The following BRCA1 variants were observed in gnomAD, a reference collection of about 807,000 sequenced individuals.
The protein encoded by BRCA1 is BRCA1 DNA repair associated.
BRCA1 carries 140 observed loss-of-function variants against 173.7 expected under a neutral mutation model. The observed-to-expected ratio is 0.81, with a 90% CI of 0.70 to 0.93. The LOEUF (loss-of-function observed/expected upper bound fraction) is 0.93. Ranked by LOEUF, BRCA1 falls within the 40% of genes least tolerant of loss-of-function variation. The pLI is 0.00. For synonymous variants in BRCA1, 662 were observed against 756.0 expected (o/e 0.88, Z 2.04); for missense variants, 1,983 against 2,172.5 (o/e 0.91, Z 1.73).
chr17:43,140,693 C>T (rs1209798997), intron 1 of BRCA1, among the ~76,000 whole-genome samples: 1 of 152,208 alleles, frequency 6.6e-6, no homozygotes, highest in Non-Finnish European at 1.5e-5. Context: ...CTGTCCCACA[C>T]TGTCTCCTCA....
At chr17:43,063,235 G>A (rs995674624) in intron 18 of BRCA1, 98 bp downstream of exon 18, 21 of 1,009,618 alleles carry the variant, frequency 2.1e-5, no homozygotes, top group South Asian at 1.3e-4. Flanking sequence ...TTTGTGCATT[G>A]TTAAGGAAAG....
chr17:43,074,260 C>T (rs2052580415), intron 14 of BRCA1, 71 bp downstream of exon 14: 3 of 1,568,138 alleles, frequency 1.9e-6, no homozygotes, highest in Non-Finnish European at 1.7e-6. Context: ...AGTTGGTTAA[C>T]CAGAATATCT....
At chr17:43,148,218 A>T (rs1347908754) in intron 1 of BRCA1, 1 of 155,822 alleles carries the variant, frequency 6.4e-6, no homozygotes, top group African/African-American at 2.4e-5. Flanking sequence ...TGAACCCAGG[A>T]GGCGGAGGTT....
chr17:43,114,131 G>A (rs571123613), intron 3 of BRCA1, among the ~76,000 whole-genome samples: 1 of 151,914 alleles, frequency 6.6e-6, no homozygotes, highest in Non-Finnish European at 1.5e-5. Flanking sequence ...GCAGTGGTGT[G>A]ATCATAGCTC....
chr17:43,102,860 G>A (rs969585152), intron 6 of BRCA1, among the ~76,000 whole-genome samples: 1 of 151,828 alleles, frequency 6.6e-6, no homozygotes, highest in Admixed American at 6.6e-5. Flanking sequence ...TTGCTATGTT[G>A]CCCAAACTGG....
chr17:43,146,413 A>G (rs1240753694), intron 1 of BRCA1, among the ~76,000 whole-genome samples: 1 of 139,192 alleles, frequency 7.2e-6, no homozygotes, highest in East Asian at 2.1e-4. Flanking sequence ...GGTTCACGCC[A>G]TTCTCCTGCC....
chr17:43,050,177 G>T (rs1261270433), intron 20 of BRCA1: 1 of 398,478 alleles, frequency 2.5e-6, no homozygotes, highest in East Asian at 3.6e-5. Context: ...GGAGGCAAAG[G>T]TGGGTAGCTT....
chr17:43,141,642 A>G (rs573517069), intron 1 of BRCA1, among the ~76,000 whole-genome samples: 20 of 151,524 alleles, frequency 1.3e-4, no homozygotes, highest in Admixed American at 3.9e-4. Flanking sequence ...GTGAAACCCC[A>G]TCTCTACTAA....
At chr17:43,087,349 A>C (rs2053266063) in intron 11 of BRCA1, among the ~76,000 whole-genome samples, 1 of 152,206 alleles carries the variant, frequency 6.6e-6, no homozygotes, top group Non-Finnish European at 1.5e-5. Context: ...TAGTAATTAA[A>C]AATGAAGTCA....
At chr17:43,161,510 G>A (rs1050690513) in intron 1 of BRCA1, 3 of 152,166 alleles carry the variant, frequency 2.0e-5, no homozygotes, top group African/African-American at 7.2e-5. Context: ...GCAGCTTAGT[G>A]TAGGCTCTAT....
At chr17:43,149,152 G>A (rs1323275578) in intron 1 of BRCA1, among the ~76,000 whole-genome samples, 2 of 150,802 alleles carry the variant, frequency 1.3e-5, no homozygotes, top group African/African-American at 2.4e-5. Context: ...AGGCTGGAGT[G>A]CAGTGGCACG....
At chr17:43,105,014 C>G (rs2154552926) in intron 4 of BRCA1, 58 bp from the exon 5 acceptor site, 7 of 1,378,882 alleles carry the variant, frequency 5.1e-6, no homozygotes, top group Non-Finnish European at 7.2e-6. Flanking sequence ...CTTTTAAGGA[C>G]ACTAAAATAA....
intron 6 of BRCA1, among the ~76,000 whole-genome samples, chr17:43,100,680 T>A (rs10445302): frequency 0.36 from 3,955 of 10,992 alleles, 405 homozygotes; most frequent in Non-Finnish European, 0.46. Flanking sequence ...ATATATATAA[T>A]ATATATATAT....
chr17:43,062,755 G>A (rs1216528312), intron 18 of BRCA1, among the ~76,000 whole-genome samples: 4 of 151,626 alleles, frequency 2.6e-5, no homozygotes, highest in Non-Finnish European at 4.4e-5. Context: ...ATGCCACCAC[G>A]CTGAGTAATT....
chr17:43,133,185 T>C (rs572369807), intron 1 of BRCA1: 1 of 152,318 alleles, frequency 6.6e-6, no homozygotes, highest in South Asian at 2.1e-4. Flanking sequence ...TTCCTCCATT[T>C]TCCATAAATG....
chr17:43,081,683 T>G (rs2053008466), intron 12 of BRCA1, among the ~76,000 whole-genome samples: 1 of 152,210 alleles, frequency 6.6e-6, no homozygotes, highest in Non-Finnish European at 1.5e-5. Flanking sequence ...GTCTTTCCAA[T>G]TAAAAACTCA....
rs80357337 is a variant in BRCA1, at chr17:43,093,009, C to A, written c.2522G>T (p.Arg841Leu). ...TTCTTCCATTTCTATGCTTGTTTCC[C>A]GACTGTGGTTAACTTCATGTCCCAA... Reference protein sequence around the residue: ...YPLGHEVNHSRETSIEMEESE... With the variant: ...YPLGHEVNHSLETSIEMEESE... The change falls in exon 10 of 23, where the codon CGG becomes CTG. Residue 841 changes from arginine to leucine, a missense_variant. Transcript: ENST00000357654. The A allele has an allele frequency of 6.2e-7, 1 of 1,613,790 alleles. No individual in the cohort carries two copies. The highest frequency in any genetic ancestry group is 8.5e-7 in the Non-Finnish European group (1 of 1,179,882).
rs1485442602 is a variant in BRCA1 at position 43,074,338 on chromosome 17, T to A, written c.4668A>T (p.Gln1556His). The change falls in exon 14 of 23, where the codon CAA becomes CAT. Residue 1556 changes from glutamine (Q) to histidine (H), a missense_variant. Gln to His is a conservative substitution (Grantham distance 24). Coordinates refer to ENST00000357654, the MANE Select transcript of BRCA1 (RefSeq NM_007294.4). ...CAGCAGATGAAATATTACCTAGATC[T>A]TGCCTTGGCAAGTAAGATGTTTCCG... ...DLTETSYLPR[Q>H]DLEGTPYLES... 6.2e-7 allele frequency: 1 copy of A among 1,614,044 alleles called. No homozygotes were observed.
At chr17:43,145,621 C>T (rs948344926) in intron 1 of BRCA1, among the ~76,000 whole-genome samples, 1 of 152,168 alleles carries the variant, frequency 6.6e-6, no homozygotes, top group East Asian at 1.9e-4. Context: ...CCACTGCGCC[C>T]GGCCTCCAGA....
Sources: allele counts gnomAD v4.1 joint callset (sites outside exome capture counted in the v4.1 genomes callset), GRCh38; gene constraint gnomAD v4.1.1; transcripts MANE v1.5; gene names NCBI Gene and HGNC (gene_info 2026-07-23, HGNC 2026-07-21).